The following OR5A1 variants were observed in gnomAD, a reference collection of about 807,000 sequenced individuals.
OR5A1 encodes olfactory receptor 5A1.
Under a neutral mutation model 6.7 loss-of-function variants are expected in OR5A1, and 6 were observed. The observed-to-expected ratio is 0.89, with a 90% CI of 0.49 to 1.76. The LOEUF is 1.76. Among genes scored for constraint, OR5A1 ranks in the 40% most tolerant of loss-of-function variants. The pLI is 0.01. For synonymous variants in OR5A1, 170 were observed against 155.0 expected, an observed-to-expected ratio of 1.10 and a Z score of -0.72; for missense variants, 378 against 381.7, an observed-to-expected ratio of 0.99 and a Z score of 0.08.
rs1273181785 is a variant in OR5A1, at chr11:59,446,283, T to C, written c.*2167T>C. ...TTGTCTTTATCAGGTTTGTCAAAGA[T>C]TCAATGGTTGTAGATGTGCAGTCTT... is the stretch of plus-strand genomic sequence containing the variant. On this transcript the variant is annotated 3_prime_UTR_variant, in exon 2 of 2. Transcript: ENST00000641045. 1.3e-5 allele frequency: 2 copies of C among 152,344 alleles called. No individual in the cohort carries two copies. The highest frequency in any genetic ancestry group is 1.5e-5 in the Non-Finnish European group (1 of 68,032). The allele number at this position is 152,344 out of a possible 1,614,324, so 9.4% of individuals were successfully genotyped here.
In OR5A1 at chr11:59,446,004, C is replaced by T. The variant is rs562517112; in HGVS notation, c.*1888C>T. The T allele has an allele frequency of 2.0e-5, 3 of 152,096 alleles. No homozygotes were observed. The highest frequency in any genetic ancestry group is 4.4e-5 in the Non-Finnish European group (3 of 68,026). 9.4% of individuals were successfully genotyped at this position (152,096 alleles called of 1,614,324 possible). On this transcript the variant is annotated 3_prime_UTR_variant, in exon 2 of 2. Coordinates refer to ENST00000641045, the MANE Select transcript of OR5A1 (RefSeq NM_001004728.2). ...TTTAGTTTAATTAGATCCCATTTGC[C>T]AATGTTTGCTTTTGTTGCAATTGCT...
chr11:59,443,238 C>A lies in OR5A1; in HGVS notation c.70C>A (p.Pro24Thr), dbSNP rs921174569. ...MFILLGFTDH[P>T]ELQALLFVTF... Reference sequence around the variant, plus strand: ...CATCCTCCTGGGATTCACAGACCATCCAGAACTCCAGGCCCTCCTCTTTGT... The same window carrying A: ...CATCCTCCTGGGATTCACAGACCATACAGAACTCCAGGCCCTCCTCTTTGT... Residue 24 changes from proline (P) to threonine (T), a missense_variant, in exon 2 of 2, where the codon CCA becomes ACA. Coordinates refer to ENST00000641045, the MANE Select transcript of OR5A1 (RefSeq NM_001004728.2). 1 of 1,614,124 alleles carries A rather than the reference C, an allele frequency of 6.2e-7. No individual in the cohort carries two copies. The highest frequency in any genetic ancestry group is 1.7e-5 in the Admixed American group (1 of 60,020).
At position 59,443,854 on chromosome 11, in the gene OR5A1, T is replaced by G; in HGVS notation, c.686T>G (p.Leu229Arg). ...TATGGTTACATAGTGTCTGCGGTCC[T>G]GAAGATCCCTTCAGCAGAGGGCCGA... is the stretch of plus-strand genomic sequence containing the variant. ...ISYGYIVSAV[L>R]KIPSAEGRWK... Residue 229 changes from leucine (L) to arginine (R), a missense_variant, in exon 2 of 2, where the codon CTG becomes CGG. Leu to Arg is a moderately radical substitution (Grantham distance 102). Transcript: ENST00000641045. 6.2e-7 allele frequency: 1 copy of G among 1,614,122 alleles called. No individual in the cohort carries two copies. Among genetic ancestry groups the G allele is most frequent in the Non-Finnish European group, 8.5e-7 (1 of 1,179,998 alleles).
Position 59,447,385 on chromosome 11 carries a change from T to A in OR5A1, c.*3269T>A, listed in dbSNP as rs1345355135. On this transcript the variant is annotated 3_prime_UTR_variant, in exon 2 of 2. Coordinates refer to ENST00000641045, the MANE Select transcript of OR5A1 (RefSeq NM_001004728.2). The stretch of plus-strand genomic sequence containing the variant: ...CAGAGGCCACAGCTATGCCTAGAAC[T>A]ACAGAACAACTGCCACTGGGGTCAG... 1 of 152,182 alleles carries A rather than the reference T, an allele frequency of 6.6e-6. No individual in the cohort carries two copies. The highest frequency in any genetic ancestry group is 2.4e-5 in the African/African-American group (1 of 41,446). The allele number at this position is 152,182 out of a possible 1,614,324, so 9.4% of individuals were successfully genotyped here.
chr11:59,441,187 T>C (rs1858477063), intron 1 of OR5A1, among the ~76,000 whole-genome samples: 1 of 152,222 alleles, frequency 6.6e-6, no homozygotes, highest in Non-Finnish European at 1.5e-5. Flanking sequence ...AATTGTGAAG[T>C]TATTGACTTG....
chr11:59,451,341 A>ATT lies in OR5A1; in HGVS notation c.*7227_*7228dup, dbSNP rs1365580922. Reference sequence around the variant, plus strand: ...TCCTCCCTCCTTGGCCTCCTAATATATTTATCTGATCAATAGTTGATTGAC... The same window carrying ATT: ...TCCTCCCTCCTTGGCCTCCTAATATATTTTTATCTGATCAATAGTTGATTGAC... On this transcript the variant is annotated 3_prime_UTR_variant, in exon 2 of 2. Transcript: ENST00000641045. The ATT allele has an allele frequency of 6.6e-6, 1 of 151,796 alleles. No homozygotes were observed. Among genetic ancestry groups the ATT allele is most frequent in the African/African-American group, 2.4e-5 (1 of 41,312 alleles). The allele number at this position is 151,796 out of a possible 1,614,324, so 9.4% of individuals were successfully genotyped here.
In OR5A1 at chr11:59,449,647, A is replaced by C. The variant is rs962442666; in HGVS notation, c.*5531A>C. 1 of 152,234 alleles carries C rather than the reference A, an allele frequency of 6.6e-6. No individual in the cohort carries two copies. Among genetic ancestry groups the C allele is most frequent in the African/African-American group, 2.4e-5 (1 of 41,460 alleles). 9.4% of individuals were successfully genotyped at this position (152,234 alleles called of 1,614,324 possible). On this transcript the variant is annotated 3_prime_UTR_variant, in exon 2 of 2. Transcript: ENST00000641045. ...TATATAATGATATTAGGATTATGAT[A>C]ATATTAATACCCTACATTTGTATAA...
In OR5A1 at chr11:59,443,372, C is replaced by A. The variant is rs372124268; in HGVS notation, c.204C>A (p.Asn68Lys). Residue 68 changes from asparagine (N) to lysine (K), a missense_variant, in exon 2 of 2, where the codon AAC becomes AAA. Asn to Lys is a moderately conservative substitution (Grantham distance 94, BLOSUM62 0). Coordinates refer to ENST00000641045, the MANE Select transcript of OR5A1 (RefSeq NM_001004728.2). ...CACCCATGTACTTCTTCCTAAGCAACTTATCTTTCATTGACATCTGCTACT... is the reference window on the plus strand; with the variant it reads ...CACCCATGTACTTCTTCCTAAGCAAATTATCTTTCATTGACATCTGCTACT... ...LHTPMYFFLS[N>K]LSFIDICYSS... is the part of the protein sequence containing the mutation. 1.2e-6 allele frequency: 2 copies of A among 1,613,730 alleles called. No individual in the cohort carries two copies. The highest frequency in any genetic ancestry group is 2.2e-5 in the East Asian group (1 of 44,900).
Position 59,443,129 on chromosome 11 carries a change from A to G in OR5A1, c.-33-7A>G. 1 of 1,502,120 alleles carries G rather than the reference A, an allele frequency of 6.7e-7. No homozygotes were observed. 93.0% of individuals were successfully genotyped at this position (1,502,120 alleles called of 1,614,324 possible). ...ACCTATAATGTGGACTGTCATTACT[A>G]TCCCAGGTCTGCATCTTGTCCTTGT... On this transcript the variant is annotated splice_polypyrimidine_tract_variant and splice_region_variant and intron_variant, in intron 1 of 1. Transcript: ENST00000641045.
At position 59,443,157 on chromosome 11, in the gene OR5A1, T is replaced by C. The variant is rs377407595; in HGVS notation, c.-12T>C. 2.6e-5 allele frequency: 42 copies of C among 1,606,546 alleles called. No individual in the cohort carries two copies. The highest frequency in any genetic ancestry group is 3.4e-5 in the Non-Finnish European group (40 of 1,174,310). On this transcript the variant is annotated 5_prime_UTR_variant, in exon 2 of 2. Coordinates refer to ENST00000641045, the MANE Select transcript of OR5A1 (RefSeq NM_001004728.2). ...CCAGGTCTGCATCTTGTCCTTGTGG[T>C]CCACGGGAAGCATGTCCATAACCAA...
chr11:59,438,179 TA>T (rs2134533608), intron 1 of OR5A1, among the ~76,000 whole-genome samples: 1 of 152,272 alleles, frequency 6.6e-6, no homozygotes, highest in South Asian at 2.1e-4. Flanking sequence ...GTGAGCCAAT[TA>T]AACCTCTTTT....
Position 59,449,723 on chromosome 11 carries a change from C to T in OR5A1, c.*5607C>T, listed in dbSNP as rs1045812895. 1.3e-5 allele frequency: 2 copies of T among 152,100 alleles called. No homozygotes were observed. The highest frequency in any genetic ancestry group is 1.3e-4 in the Admixed American group (2 of 15,252). The allele number at this position is 152,100 out of a possible 1,614,324, so 9.4% of individuals were successfully genotyped here. ...CATATGCATTAAGCCATTTAATTGA[C>T]TTATACAGCAACATAAGTGAATAGG... On this transcript the variant is annotated 3_prime_UTR_variant, in exon 2 of 2. Coordinates refer to ENST00000641045, the MANE Select transcript of OR5A1 (RefSeq NM_001004728.2).
Position 59,447,777 on chromosome 11 carries a change from C to T in OR5A1, c.*3661C>T, listed in dbSNP as rs1344939349. ...TCCTGTGGCTGCCCCACAGTGTACA[C>T]CAGAATTAGACAGGCTAACCCAGGA... On this transcript the variant is annotated 3_prime_UTR_variant, in exon 2 of 2. Transcript: ENST00000641045. The T allele has an allele frequency of 6.6e-6, 1 of 152,166 alleles. No individual in the cohort carries two copies. The highest frequency in any genetic ancestry group is 1.5e-5 in the Non-Finnish European group (1 of 68,048). The allele number at this position is 152,166 out of a possible 1,614,324, so 9.4% of individuals were successfully genotyped here.
chr11:59,443,174 C>T lies in OR5A1; in HGVS notation c.6C>T (p.Ser2=). Reference sequence around the variant, plus strand: ...CCTTGTGGTCCACGGGAAGCATGTCCATAACCAAAGCCTGGAACAGCTCAT... The same window carrying T: ...CCTTGTGGTCCACGGGAAGCATGTCTATAACCAAAGCCTGGAACAGCTCAT... M[S]ITKAWNSSSV... is the part of the protein sequence containing the mutation. Residue 2 remains serine (S), a synonymous_variant, in exon 2 of 2, where the codon TCC becomes TCT. Coordinates refer to ENST00000641045, the MANE Select transcript of OR5A1 (RefSeq NM_001004728.2). 6.2e-7 allele frequency: 1 copy of T among 1,612,962 alleles called. No individual in the cohort carries two copies. The highest frequency in any genetic ancestry group is 8.5e-7 in the Non-Finnish European group (1 of 1,179,280).
In OR5A1 at chr11:59,443,678, C is replaced by T. The variant is rs142863997; in HGVS notation, c.510C>T (p.His170=). Reference sequence around the variant, plus strand: ...AGGCCAGCTCCATATTTAGGCTTCACTTTTGCGGACCCAACATCATCAACC... The same window carrying T: ...AGGCCAGCTCCATATTTAGGCTTCATTTTTGCGGACCCAACATCATCAACC... ...LIQASSIFRL[H]FCGPNIINHF... The change falls in exon 2 of 2, where the codon CAC becomes CAT. Residue 170 remains histidine, a synonymous_variant. Transcript: ENST00000641045. The T allele has an allele frequency of 1.2e-6, 2 of 1,614,134 alleles. No homozygotes were observed. Among genetic ancestry groups the T allele is most frequent in the East Asian group, 2.2e-5 (1 of 44,888 alleles).
rs1381490542 is a variant in OR5A1, at chr11:59,443,021, G to C, written c.-33-115G>C. 28 of 614,552 alleles carry C rather than the reference G, an allele frequency of 4.6e-5. 1 individual carries two copies. Among genetic ancestry groups the C allele is most frequent in the Non-Finnish European group, 8.1e-5 (28 of 347,800 alleles). 38.1% of individuals were successfully genotyped at this position (614,552 alleles called of 1,614,324 possible). On this transcript the variant is annotated intron_variant, in intron 1 of 1. Transcript: ENST00000641045. ...AGAGACTGAGACTGAGACTGAGAAA[G>C]AGAAAGAGAGTCTTTGCATAAAGCT...
In OR5A1 at chr11:59,443,305, T is replaced by C. The variant is rs1858503299; in HGVS notation, c.137T>C (p.Leu46Pro). 3.1e-6 allele frequency: 5 copies of C among 1,613,850 alleles called. No individual in the cohort carries two copies. The highest frequency in any genetic ancestry group is 1.6e-4 in the Middle Eastern group (1 of 6,062). Residue 46 changes from leucine (L) to proline (P), a missense_variant, in exon 2 of 2, where the codon CTG (leucine) becomes CCG (proline). Physicochemically the swap from Leu to Pro is moderately conservative, Grantham distance 98. Coordinates refer to ENST00000641045, the MANE Select transcript of OR5A1 (RefSeq NM_001004728.2). ...TATCTTACCACCCTGGCCTGGAACC[T>C]GGCCCTCATTTTTCTGATCAGAGGT... ...GIYLTTLAWN[L>P]ALIFLIRGDT...
chr11:59,443,371 ACTTAT>A lies in OR5A1; in HGVS notation c.207_211del (p.Leu69PhefsTer3). 28 of 1,613,784 alleles carry A rather than the reference ACTTAT, an allele frequency of 1.7e-5. No individual in the cohort carries two copies. The highest frequency in any genetic ancestry group is 2.4e-5 in the Non-Finnish European group (28 of 1,180,008). Reference sequence around the variant, plus strand: ...ACACCCATGTACTTCTTCCTAAGCAACTTATCTTTCATTGACATCTGCTACTCTTC... The same window carrying A: ...ACACCCATGTACTTCTTCCTAAGCAACTTTCATTGACATCTGCTACTCTTC... On this transcript the variant is annotated frameshift_variant, in exon 2 of 2. Coordinates refer to ENST00000641045, the MANE Select transcript of OR5A1 (RefSeq NM_001004728.2). LOFTEE classifies it high-confidence loss of function.
chr11:59,442,462 GAAATAAAT>G (rs1041561455), intron 1 of OR5A1, among the ~76,000 whole-genome samples: 6 of 151,704 alleles, frequency 4.0e-5, no homozygotes, highest in African/African-American at 1.2e-4. Flanking sequence ...TAAAAAATAA[GAAATAAAT>G]AAATAAATAA....
Sources: allele counts gnomAD v4.1 joint callset (sites outside exome capture counted in the v4.1 genomes callset), GRCh38; gene constraint gnomAD v4.1.1; transcripts MANE v1.5; gene names NCBI Gene and HGNC (gene_info 2026-07-23, HGNC 2026-07-21).